ZPBP: variants seen among roughly 807,000 people sequenced by gnomAD.
ZPBP encodes zona pellucida-binding protein 1.
In ZPBP, 26 loss-of-function variants were observed where a neutral mutation model predicts 44.8. That is an observed-to-expected ratio of 0.58 (90% confidence interval 0.43 to 0.81). The LOEUF is 0.81. ZPBP is among the 30% of genes least tolerant of loss of function. The pLI is 0.00. For synonymous variants in ZPBP, 174 were observed against 153.2 expected (o/e 1.14, Z -1.00); for missense variants, 409 against 434.0 (o/e 0.94, Z 0.51).
intron 1 of ZPBP, among the ~76,000 whole-genome samples, chr7:49,907,473 G>C (rs1793169091): frequency 6.6e-6 from 1 of 152,090 alleles, no homozygotes; most frequent in African/African-American, 2.4e-5. Context: ...AAATAGGAGA[G>C]TATATTAAGG....
intron 3 of ZPBP, among the ~76,000 whole-genome samples, chr7:50,062,390 A>T (rs1205324519): frequency 6.6e-6 from 1 of 152,210 alleles, no homozygotes; most frequent in Non-Finnish European, 1.5e-5. Context: ...AAAAAGAGCA[A>T]AGCCAGAGGT....
In ZPBP at chr7:49,896,326, G is replaced by T. The variant is rs1010380133; in HGVS notation, n.509+4792C>A. ...ACTGCACTCTACCCTGAGTGAAAGA[G>T]CAAGACTCTACTTCAAAAAAAGGAA... On this transcript the variant is annotated intron_variant and non_coding_transcript_variant, in intron 2 of 2. Transcript: ENST00000465922. Among the ~76,000 whole-genome samples the T allele has an allele frequency of 2.6e-5, 4 of 152,190 alleles. No homozygotes were observed. The East Asian group carries it at 5.8e-4, about 22-fold the overall frequency.
intron 7 of ZPBP, chr7:49,943,935 C>A (rs757627388): frequency 8.3e-5 from 27 of 324,404 alleles, no homozygotes; most frequent in Admixed American, 1.6e-4. Flanking sequence ...TCTCAGTGGA[C>A]ATTTCAGCAT....
chr7:49,977,010 G>A (rs1370041501), intron 7 of ZPBP, among the ~76,000 whole-genome samples: 2 of 151,910 alleles, frequency 1.3e-5, no homozygotes, highest in Non-Finnish European at 2.9e-5. Context: ...CCTGAGGCAG[G>A]AGAAGGGCGT....
At chr7:49,975,957 C>T (rs1796495221) in intron 7 of ZPBP, among the ~76,000 whole-genome samples, 1 of 152,120 alleles carries the variant, frequency 6.6e-6, no homozygotes, top group Non-Finnish European at 1.5e-5. Context: ...TTTGGGGTAA[C>T]ATTTTTTCTA....
At chr7:49,959,291 G>C (rs1053644342) in intron 7 of ZPBP, among the ~76,000 whole-genome samples, 3 of 144,586 alleles carry the variant, frequency 2.1e-5, no homozygotes, top group African/African-American at 7.6e-5. Flanking sequence ...ACAAACATCA[G>C]AAATAAAGAA....
At chr7:49,851,328 G>A (rs777010189) in intron 2 of ZPBP, among the ~76,000 whole-genome samples, 1 of 152,096 alleles carries the variant, frequency 6.6e-6, no homozygotes, top group African/African-American at 2.4e-5. Context: ...TCCAAATAAG[G>A]CCTCATTCAT....
At chr7:50,041,358 G>A (rs1800086909) in intron 4 of ZPBP, among the ~76,000 whole-genome samples, 1 of 152,186 alleles carries the variant, frequency 6.6e-6, no homozygotes, top group Non-Finnish European at 1.5e-5. Flanking sequence ...CATGCCTCCT[G>A]ACTGAAAGAC....
At chr7:49,997,118 A>T (rs1270219612) in intron 6 of ZPBP, among the ~76,000 whole-genome samples, 1 of 152,182 alleles carries the variant, frequency 6.6e-6, no homozygotes, top group Admixed American at 6.5e-5. Flanking sequence ...TCTGAGCCCT[A>T]CCAATGTGAG....
At chr7:49,942,345 A>T (rs1382560501) in intron 7 of ZPBP, 2 of 204,698 alleles carry the variant, frequency 9.8e-6, no homozygotes, top group Non-Finnish European at 2.0e-5. Flanking sequence ...TGTGTTTCAT[A>T]GTAGTGCACA....
At chr7:49,981,351 TA>T (rs1796886738) in intron 7 of ZPBP, among the ~76,000 whole-genome samples, 2 of 15,968 alleles carry the variant, frequency 1.3e-4, no homozygotes, top group South Asian at 1.5e-3. Flanking sequence ...TATTATATAA[TA>T]TATATTATAT....
intron 7 of ZPBP, among the ~76,000 whole-genome samples, chr7:49,970,466 C>CTTTTTTTTTTTTTTTTTTTTT (rs771955717): frequency 1.2e-5 from 1 of 85,200 alleles, no homozygotes; most frequent in African/African-American, 4.8e-5. Flanking sequence ...GCTGAATATA[C>CTTTTTTTTTTTTTTTTTTTTT]TTTTTTTTTT....
intron 1 of ZPBP, among the ~76,000 whole-genome samples, chr7:49,909,324 T>C (rs1483074): frequency 0.73 from 111,503 of 152,040 alleles, 41,107 homozygotes; most frequent in East Asian, 0.89. Context: ...AAAAAGATGA[T>C]ACAGAAAAGA....
chr7:49,910,545 G>C (rs890170076), intron 1 of ZPBP, among the ~76,000 whole-genome samples: 1 of 151,972 alleles, frequency 6.6e-6, no homozygotes. Flanking sequence ...AGGTAGAGCA[G>C]TTGCTCATAG....
chr7:49,863,759 C>A (rs962920599), intron 2 of ZPBP, among the ~76,000 whole-genome samples: 2 of 152,100 alleles, frequency 1.3e-5, no homozygotes, highest in African/African-American at 4.8e-5. Context: ...TTTGTTTATC[C>A]TGTGCTAATC....
At chr7:49,875,455 G>T (rs751409865) in intron 2 of ZPBP, among the ~76,000 whole-genome samples, 1 of 143,166 alleles carries the variant, frequency 7.0e-6, no homozygotes, top group Non-Finnish European at 1.5e-5. Context: ...AAAAGTATTT[G>T]AAGGTCAGTT....
chr7:49,889,471 A>T (rs868022295), intron 2 of ZPBP, among the ~76,000 whole-genome samples: 92 of 152,354 alleles, frequency 6.0e-4, no homozygotes, highest in African/African-American at 2.0e-3. Context: ...GAGGCAGAAG[A>T]TGATGACAAA....
At chr7:50,075,163 T>C (rs1802021378) in intron 3 of ZPBP, among the ~76,000 whole-genome samples, 1 of 151,948 alleles carries the variant, frequency 6.6e-6, no homozygotes, top group South Asian at 2.1e-4. Flanking sequence ...AATATGCTCC[T>C]GAATGACCAG....
intron 2 of ZPBP, among the ~76,000 whole-genome samples, chr7:49,852,363 G>T (rs1468940207): frequency 3.9e-5 from 6 of 152,206 alleles, no homozygotes; most frequent in Non-Finnish European, 5.9e-5. Context: ...GGCCTGGCAG[G>T]CATGAGCTGG....
Sources: allele counts gnomAD v4.1 joint callset (sites outside exome capture counted in the v4.1 genomes callset), GRCh38; gene constraint gnomAD v4.1.1; transcripts MANE v1.5; gene names NCBI Gene and HGNC (gene_info 2026-07-23, HGNC 2026-07-21).